VPS13B: variants seen among roughly 807,000 people sequenced by gnomAD.
VPS13B encodes the protein intermembrane lipid transfer protein VPS13B.
A neutral mutation model predicts 426.4 loss-of-function variants in VPS13B; 285 were observed. That is an observed-to-expected ratio of 0.67 (90% CI 0.61 to 0.74). The LOEUF is 0.74. Among genes scored for constraint, VPS13B ranks in the 30% least tolerant of loss-of-function variants. The pLI is 0.00. For missense variants in VPS13B, 4,537 were observed against 4,782.6 expected (o/e 0.95, Z 1.51); for synonymous variants, 1,676 against 1,676.4 (o/e 1.00, Z 0.01).
chr8:99,692,051 G>T (rs1379504378), intron 35 of VPS13B, among the ~76,000 whole-genome samples: 1 of 147,866 alleles, frequency 6.8e-6, no homozygotes, highest in Admixed American at 6.7e-5. Flanking sequence ...AGCAAGTCCT[G>T]AGTGACCTAC....
At chr8:99,158,458 G>A (rs779217171) in intron 15 of VPS13B, among the ~76,000 whole-genome samples, 5 of 152,070 alleles carry the variant, frequency 3.3e-5, no homozygotes, top group African/African-American at 7.2e-5. Context: ...GCCTGAACCC[G>A]GGAGGCAGAG....
At chr8:99,020,825 ACT>A (rs1841847997) in intron 2 of VPS13B, among the ~76,000 whole-genome samples, 1 of 152,140 alleles carries the variant, frequency 6.6e-6, no homozygotes, top group African/African-American at 2.4e-5. Flanking sequence ...ATACTATCAC[ACT>A]GTTTGGATTA....
At chr8:99,336,484 C>T (rs1810878733) in intron 19 of VPS13B, among the ~76,000 whole-genome samples, 1 of 152,096 alleles carries the variant, frequency 6.6e-6, no homozygotes, top group Non-Finnish European at 1.5e-5. Flanking sequence ...ACACCAAAAG[C>T]AATGGCAACA....
intron 59 of VPS13B, among the ~76,000 whole-genome samples, chr8:99,869,426 G>A (rs183751726): frequency 6.6e-6 from 1 of 152,286 alleles, no homozygotes; most frequent in Non-Finnish European, 1.5e-5. Context: ...AGATGAATGA[G>A]TGCCCACACT....
In VPS13B at chr8:99,295,201, AAAG is replaced by A. The variant is rs149055916; in HGVS notation, c.2824+19951_2824+19953del. 1.1e-4 allele frequency among the ~76,000 whole-genome samples: 17 copies of A among 152,308 alleles called. No homozygotes were observed. In the East Asian group the frequency reaches 2.5e-3, roughly 22 times the overall value. On this transcript the variant is annotated intron_variant, in intron 19 of 61. Transcript: ENST00000357162. ...AAATGTCCTAAAATTTCAAAATAAA[AAAG>A]AAGTTTTACATCATTAATATGTATG...
intron 36 of VPS13B, among the ~76,000 whole-genome samples, chr8:99,709,581 TTTAA>T (rs1044095284): frequency 6.6e-6 from 1 of 152,216 alleles, no homozygotes; most frequent in Non-Finnish European, 1.5e-5. Flanking sequence ...CCTCGTTTAG[TTTAA>T]TTAAATATCT....
At chr8:99,689,425 G>T (rs1211745361) in intron 35 of VPS13B, among the ~76,000 whole-genome samples, 1 of 152,128 alleles carries the variant, frequency 6.6e-6, no homozygotes, top group Non-Finnish European at 1.5e-5. Flanking sequence ...ATGGCAAAAT[G>T]CACAGGATAT....
At chr8:99,428,127 A>G (rs1276397962) in intron 21 of VPS13B, among the ~76,000 whole-genome samples, 1 of 152,230 alleles carries the variant, frequency 6.6e-6, no homozygotes, top group Non-Finnish European at 1.5e-5. Flanking sequence ...ACCTTATACA[A>G]AAATTAATTC....
intron 56 of VPS13B, among the ~76,000 whole-genome samples, chr8:99,857,234 T>G (rs1484917480): frequency 6.6e-6 from 1 of 152,170 alleles, no homozygotes; most frequent in Non-Finnish European, 1.5e-5. Context: ...GACCTGCCAC[T>G]GGCAGGAGCA....
intron 17 of VPS13B, among the ~76,000 whole-genome samples, chr8:99,250,734 G>C (rs1817463095): frequency 7.3e-6 from 1 of 137,150 alleles, no homozygotes; most frequent in Admixed American, 8.0e-5. Flanking sequence ...ACACAGGCTG[G>C]AGTGCAGTGG....
chr8:99,160,302 A>G (rs144840228), intron 15 of VPS13B, among the ~76,000 whole-genome samples: 49 of 152,322 alleles, frequency 3.2e-4, no homozygotes, highest in African/African-American at 1.0e-3. Flanking sequence ...TTAAATAGAA[A>G]TAGTGTGTAC....
At chr8:99,478,844 AAAAC>A (rs1819888796) in intron 24 of VPS13B, among the ~76,000 whole-genome samples, 2 of 152,102 alleles carry the variant, frequency 1.3e-5, no homozygotes, top group African/African-American at 2.4e-5. Flanking sequence ...AAAAAAAAAA[AAAAC>A]AAGTTTCTGA....
intron 54 of VPS13B, among the ~76,000 whole-genome samples, chr8:99,843,199 C>G (rs936397286): frequency 2.0e-5 from 3 of 152,078 alleles, no homozygotes; most frequent in African/African-American, 7.2e-5. Context: ...CTGAAGTGCT[C>G]TAACACAGAT....
At chr8:99,493,537 C>T (rs1040686592) in intron 25 of VPS13B, among the ~76,000 whole-genome samples, 4 of 152,134 alleles carry the variant, frequency 2.6e-5, no homozygotes, top group Admixed American at 1.3e-4. Flanking sequence ...GTCGTCTGAG[C>T]ACTTTGGGAG....
At chr8:99,721,438 G>T (rs932992343) in intron 39 of VPS13B, among the ~76,000 whole-genome samples, 1 of 152,164 alleles carries the variant, frequency 6.6e-6, no homozygotes, top group African/African-American at 2.4e-5. Context: ...AGAAAGAGAT[G>T]ACTGTAGTTT....
chr8:99,499,420 G>T (rs1334087007), intron 25 of VPS13B, among the ~76,000 whole-genome samples: 2 of 152,106 alleles, frequency 1.3e-5, no homozygotes, highest in South Asian at 4.1e-4. Flanking sequence ...TTAGTGATTC[G>T]AGATGTTATT....
At chr8:99,800,457 G>C (rs1212820319) in intron 43 of VPS13B, among the ~76,000 whole-genome samples, 1 of 151,998 alleles carries the variant, frequency 6.6e-6, no homozygotes. Flanking sequence ...TTTTTTAACT[G>C]TATTTATATC....
At chr8:99,265,500 C>A (rs1818248566) in intron 17 of VPS13B, among the ~76,000 whole-genome samples, 1 of 152,008 alleles carries the variant, frequency 6.6e-6, no homozygotes, top group South Asian at 2.1e-4. Context: ...AAGATAATTC[C>A]CCCCTTTTAG....
At chr8:99,847,772 A>C (rs1241260808) in intron 54 of VPS13B, among the ~76,000 whole-genome samples, 1 of 152,192 alleles carries the variant, frequency 6.6e-6, no homozygotes, top group Non-Finnish European at 1.5e-5. Flanking sequence ...GTTGCTTCCA[A>C]ATAACTCTCT....
Sources: allele counts gnomAD v4.1 joint callset (sites outside exome capture counted in the v4.1 genomes callset), GRCh38; gene constraint gnomAD v4.1.1; transcripts MANE v1.5; gene names NCBI Gene and HGNC (gene_info 2026-07-23, HGNC 2026-07-21).